RALGAPA2: variants seen among roughly 807,000 people sequenced by gnomAD.
RALGAPA2 encodes the protein Ral GTPase activating protein catalytic subunit alpha 2, also known as ral GTPase-activating protein subunit alpha-2.
RALGAPA2 carries 139 observed loss-of-function variants against 230.4 expected under a neutral mutation model. That is an observed-to-expected ratio of 0.60 (90% confidence interval 0.53 to 0.69). RALGAPA2 has a LOEUF of 0.69. RALGAPA2 is among the 30% of genes least tolerant of loss of function. The pLI, the probability that RALGAPA2 is intolerant of heterozygous loss-of-function variation, is 0.00. For missense variants in RALGAPA2, 2,163 were observed against 2,276.0 expected, an observed-to-expected ratio of 0.95 and a Z score of 1.01; for synonymous variants, 847 against 837.8, an observed-to-expected ratio of 1.01 and a Z score of -0.19.
chr20:20,455,465 C>A (rs368571657), intron 37 of RALGAPA2, among the ~76,000 whole-genome samples: 1 of 152,190 alleles, frequency 6.6e-6, no homozygotes, highest in Non-Finnish European at 1.5e-5. Context: ...CAGCTGGTCA[C>A]GAGATCCAAA....
chr20:20,695,527 G>A (rs1254165304), intron 1 of RALGAPA2, among the ~76,000 whole-genome samples: 1 of 152,170 alleles, frequency 6.6e-6, no homozygotes, highest in African/African-American at 2.4e-5. Flanking sequence ...GCTTAAACCT[G>A]ACGCTGACTG....
chr20:20,568,570 T>C (rs1309965345), intron 23 of RALGAPA2, among the ~76,000 whole-genome samples: 1 of 152,254 alleles, frequency 6.6e-6, no homozygotes, highest in East Asian at 1.9e-4. Flanking sequence ...CAAATTGTTT[T>C]TTAAACTAAA....
intron 37 of RALGAPA2, among the ~76,000 whole-genome samples, chr20:20,446,015 A>G (rs1455881151): frequency 6.6e-6 from 1 of 151,870 alleles, no homozygotes; most frequent in African/African-American, 2.4e-5. Context: ...GAGCTAAAGT[A>G]TCATCTCTCT....
At chr20:20,665,780 C>T (rs1176542530) in intron 3 of RALGAPA2, among the ~76,000 whole-genome samples, 1 of 152,188 alleles carries the variant, frequency 6.6e-6, no homozygotes, top group South Asian at 2.1e-4. Context: ...ACCAGAATAA[C>T]CACATGCTAT....
chr20:20,667,093 G>T (rs549412283), intron 3 of RALGAPA2, among the ~76,000 whole-genome samples: 1 of 152,132 alleles, frequency 6.6e-6, no homozygotes, highest in Non-Finnish European at 1.5e-5. Flanking sequence ...ATTTGGATGG[G>T]AAATAAAATC....
intron 9 of RALGAPA2, among the ~76,000 whole-genome samples, chr20:20,629,878 T>C (rs1320371669): frequency 6.6e-6 from 1 of 152,248 alleles, no homozygotes; most frequent in Admixed American, 6.5e-5. Context: ...TTAATTTGCA[T>C]TGTAAAACCA....
At chr20:20,442,839 T>G (rs1246548908) in intron 37 of RALGAPA2, among the ~76,000 whole-genome samples, 3 of 152,262 alleles carry the variant, frequency 2.0e-5, no homozygotes, top group African/African-American at 7.2e-5. Flanking sequence ...AGAAAAATTG[T>G]GTGATGCCCA....
At chr20:20,705,730 G>A (rs182890711) in intron 1 of RALGAPA2, among the ~76,000 whole-genome samples, 25 of 152,022 alleles carry the variant, frequency 1.6e-4, no homozygotes, top group Admixed American at 9.8e-4. Context: ...GTGCAGTGGT[G>A]CGATCTCTGC....
In RALGAPA2 at chr20:20,437,565, G is replaced by C. The variant is rs770498107; in HGVS notation, c.5496-25417C>G. ...TGCCTGCCCCTGCTGTCACCTCTGT[G>C]GTGTGGAGCCCTTCCCACACTTCAC... is the stretch of plus-strand genomic sequence containing the variant. On this transcript the variant is annotated intron_variant, in intron 37 of 39. Coordinates refer to ENST00000202677, the MANE Select transcript of RALGAPA2 (RefSeq NM_020343.4). This position sits in a 1 kb window ranked among gnomAD's most constrained non-coding sequence, Gnocchi z 4.1. Among the ~76,000 whole-genome samples, 47 of 152,260 alleles carry C rather than the reference G, an allele frequency of 3.1e-4. No individual in the cohort carries two copies. Among genetic ancestry groups the C allele is most frequent in the Non-Finnish European group, 6.2e-4 (42 of 68,018 alleles).
chr20:20,431,068 G>A (rs2060491654), intron 37 of RALGAPA2, among the ~76,000 whole-genome samples: 1 of 152,110 alleles, frequency 6.6e-6, no homozygotes, highest in Non-Finnish European at 1.5e-5. Flanking sequence ...TGGTGTGGTT[G>A]GGGGCTTTGT....
At chr20:20,443,767 A>C (rs971000872) in intron 37 of RALGAPA2, among the ~76,000 whole-genome samples, 32 of 152,260 alleles carry the variant, frequency 2.1e-4, no homozygotes, top group Admixed American at 1.8e-3. Flanking sequence ...TGGTGCCCAC[A>C]TGAAGTGCTT....
chr20:20,666,671 A>C (rs1239010531), intron 3 of RALGAPA2, among the ~76,000 whole-genome samples: 9 of 152,240 alleles, frequency 5.9e-5, no homozygotes, highest in Non-Finnish European at 2.9e-5. Context: ...AATTGTAAAA[A>C]TATGATTCTG....
intron 3 of RALGAPA2, chr20:20,659,772 C>T (rs990926992): frequency 2.3e-5 from 21 of 916,116 alleles, no homozygotes; most frequent in Non-Finnish European, 3.3e-5. Flanking sequence ...ATGAAGAAAA[C>T]AGCACACAGA....
rs1223442921 is a variant in RALGAPA2, at chr20:20,512,691, T to C, written c.4678A>G (p.Ile1560Val). ...TTTTGGCGCAAAATGACCTCAATGA[T>C]TTCCTTCTCTTGGTCATAGTTCATG... is the stretch of plus-strand genomic sequence containing the variant. Reference protein sequence around the residue: ...CGMNYDQEKEIIEVILRQNAQ... With the variant: ...CGMNYDQEKEVIEVILRQNAQ... Residue 1560 changes from isoleucine to valine, a missense_variant, in exon 32 of 40, where the codon ATC becomes GTC. Coordinates refer to ENST00000202677, the MANE Select transcript of RALGAPA2 (RefSeq NM_020343.4). 1.2e-6 allele frequency: 2 copies of C among 1,613,990 alleles called. No individual in the cohort carries two copies. Among genetic ancestry groups the C allele is most frequent in the Non-Finnish European group, 1.7e-6 (2 of 1,179,892 alleles).
intron 34 of RALGAPA2, 83 bp downstream of exon 34, chr20:20,505,328 T>C (rs2123704175): frequency 1.5e-6 from 2 of 1,330,644 alleles, no homozygotes; most frequent in Non-Finnish European, 2.0e-6. Flanking sequence ...CAAAAGCACA[T>C]GTAAAAACTT....
At chr20:20,476,153 AC>A (rs1213355472) in intron 36 of RALGAPA2, among the ~76,000 whole-genome samples, 1 of 152,174 alleles carries the variant, frequency 6.6e-6, no homozygotes, top group East Asian at 1.9e-4. Context: ...AATTCTGCTA[AC>A]ATTAAGCTAT....
chr20:20,468,033 T>G (rs2061458136), intron 37 of RALGAPA2, among the ~76,000 whole-genome samples: 1 of 152,160 alleles, frequency 6.6e-6, no homozygotes, highest in African/African-American at 2.4e-5. Context: ...TTCTTCTTCT[T>G]TTTTCCCTCC....
chr20:20,666,509 T>TA (rs1467643647), intron 3 of RALGAPA2, among the ~76,000 whole-genome samples: 1 of 152,036 alleles, frequency 6.6e-6, no homozygotes, highest in Non-Finnish European at 1.5e-5. Flanking sequence ...GGAAACAAAA[T>TA]AAAAAGCAGT....
intron 37 of RALGAPA2, among the ~76,000 whole-genome samples, chr20:20,462,143 T>C (rs975076743): frequency 2.0e-5 from 3 of 152,214 alleles, no homozygotes; most frequent in Non-Finnish European, 2.9e-5. Context: ...CTAAACATTG[T>C]AGCATTTCAT....
Sources: allele counts gnomAD v4.1 joint callset (sites outside exome capture counted in the v4.1 genomes callset), GRCh38; gene constraint gnomAD v4.1.1; non-coding constraint Gnocchi (gnomAD v3.1); transcripts MANE v1.5; gene names NCBI Gene and HGNC (gene_info 2026-07-23, HGNC 2026-07-21).